The following CFAP77 variants were observed in gnomAD, a reference collection of about 807,000 sequenced individuals.
The protein encoded by CFAP77 is cilia- and flagella-associated protein 77.
In CFAP77, 25 loss-of-function variants were observed where a neutral mutation model predicts 31.1. The observed-to-expected ratio is 0.80, with a 90% CI of 0.59 to 1.12. The LOEUF (loss-of-function observed/expected upper bound fraction) is 1.12, where lower values mean the gene tolerates loss of function less well. CFAP77 is among the 50% of genes most tolerant of loss of function. CFAP77 has a pLI of 0.00. For synonymous variants in CFAP77, 151 were observed against 159.9 expected, an observed-to-expected ratio of 0.94 and a Z score of 0.42; for missense variants, 377 against 397.3, an observed-to-expected ratio of 0.95 and a Z score of 0.44.
intron 4 of CFAP77, among the ~76,000 whole-genome samples, chr9:132,541,724 A>C (rs77526321): frequency 6.6e-6 from 1 of 152,348 alleles, no homozygotes; most frequent in Non-Finnish European, 1.5e-5. Flanking sequence ...ACAACAAAAA[A>C]CACAAAAAAA....
chr9:132,438,969 G>A (rs370376664), intron 1 of CFAP77, among the ~76,000 whole-genome samples: 2 of 150,324 alleles, frequency 1.3e-5, no homozygotes, highest in East Asian at 3.9e-4. Context: ...TCTGCCTCCC[G>A]GGTTCAAGCG....
At position 132,498,617 on chromosome 9, in the gene CFAP77, C is replaced by T; in HGVS notation, c.196-78C>T. On this transcript the variant is annotated intron_variant, in intron 1 of 5. Transcript: ENST00000393216. This position sits in a 1 kb window ranked among gnomAD's most constrained non-coding sequence, Gnocchi z 4.2. ...CTGGGGGAAATGCAGGCATCTGGTG[C>T]CTCCCTGCTGCCGGATTACAATACA... 2 of 1,105,962 alleles carry T rather than the reference C, an allele frequency of 1.8e-6. No individual in the cohort carries two copies. Among genetic ancestry groups the T allele is most frequent in the Non-Finnish European group, 2.7e-6 (2 of 747,370 alleles). The allele number at this position is 1,105,962 out of a possible 1,614,324, so 68.5% of individuals were successfully genotyped here.
intron 5 of CFAP77, among the ~76,000 whole-genome samples, chr9:132,562,818 G>A (rs928289300): frequency 6.6e-6 from 1 of 151,762 alleles, no homozygotes; most frequent in African/African-American, 2.4e-5. Flanking sequence ...TCCTGCCTCA[G>A]CCTCCTGAGT....
At chr9:132,460,795 G>A (rs1052959920) in intron 1 of CFAP77, among the ~76,000 whole-genome samples, 18 of 152,166 alleles carry the variant, frequency 1.2e-4, no homozygotes, top group African/African-American at 4.1e-4. Context: ...GTGCAATCTC[G>A]GCTCACTGCA....
chr9:132,559,321 C>T lies in CFAP77; in HGVS notation c.733-13067C>T, dbSNP rs570736289. 3.7e-3 allele frequency among the ~76,000 whole-genome samples: 416 copies of T among 112,934 alleles called. 2 individuals carry two copies. The highest frequency in any genetic ancestry group is 5.0e-3 in the Non-Finnish European group (297 of 59,010). The allele number at this position is 112,934 out of a possible 152,430, so 74.1% of individuals were successfully genotyped here. A position where few individuals can be genotyped will look rare whatever the true frequency, so the allele number is the denominator to read the frequency against. On this transcript the variant is annotated intron_variant, in intron 5 of 5. Transcript: ENST00000393216. The stretch of plus-strand genomic sequence containing the variant: ...GATCGCGCCACTGCACTCCAGCCTG[C>T]GCGTCAGAGTGAGACTCTGTCTTGC...
intron 5 of CFAP77, among the ~76,000 whole-genome samples, chr9:132,567,174 G>A (rs1053731546): frequency 6.6e-6 from 1 of 152,106 alleles, no homozygotes; most frequent in Non-Finnish European, 1.5e-5. Context: ...TCCCAGTGTC[G>A]GCACACAGCA....
rs1285599865 is a variant in CFAP77, at chr9:132,565,131, A to C, written c.733-7257A>C. 1.3e-5 allele frequency among the ~76,000 whole-genome samples: 2 copies of C among 151,208 alleles called. No homozygotes were observed. The highest frequency in any genetic ancestry group is 1.9e-4 in the East Asian group (1 of 5,170). On this transcript the variant is annotated intron_variant, in intron 5 of 5. Coordinates refer to ENST00000393216, the MANE Select transcript of CFAP77 (RefSeq NM_001282957.2). The surrounding 1 kb of genome is among the most constrained non-coding windows in gnomAD (Gnocchi z 4.1). Reference sequence around the variant, plus strand: ...TGATTCCTAGGCAGATGGAGTAGAAATCTCTTCTAGGATCTAGTAGCTGCT... The same window carrying C: ...TGATTCCTAGGCAGATGGAGTAGAACTCTCTTCTAGGATCTAGTAGCTGCT...
chr9:132,418,470 C>T (rs1254827208), intron 1 of CFAP77, among the ~76,000 whole-genome samples: 3 of 152,252 alleles, frequency 2.0e-5, no homozygotes, highest in Non-Finnish European at 2.9e-5. Context: ...TAACCTAATG[C>T]AAAGACTCTA....
chr9:132,482,440 T>C (rs762697226), intron 1 of CFAP77: 1 of 1,586,844 alleles, frequency 6.3e-7, no homozygotes, highest in South Asian at 1.1e-5. Flanking sequence ...TCTGCTAAAA[T>C]AATGTCACCC....
intron 1 of CFAP77, among the ~76,000 whole-genome samples, chr9:132,459,741 TGA>T (rs1390871297): frequency 1.7e-4 from 24 of 138,684 alleles, no homozygotes; most frequent in African/African-American, 2.8e-4. Context: ...TATATGTGTG[TGA>T]GTGTGTGTGT....
intron 3 of CFAP77, among the ~76,000 whole-genome samples, chr9:132,519,130 T>G (rs1202869391): frequency 6.6e-6 from 1 of 151,462 alleles, no homozygotes; most frequent in Non-Finnish European, 1.5e-5. Context: ...AGACATACCA[T>G]TAATGCTCCT....
At chr9:132,486,012 A>ATATATATATATATATATGTATG (rs1851535722) in intron 1 of CFAP77, among the ~76,000 whole-genome samples, 2 of 11,384 alleles carry the variant, frequency 1.8e-4, no homozygotes, top group Non-Finnish European at 2.8e-4. Context: ...ATATATATAT[A>ATATATATATATATATATGTATG]TATATATATA....
chr9:132,518,223 G>A lies in CFAP77; in HGVS notation c.524+18623G>A, dbSNP rs111949350. Among the ~76,000 whole-genome samples the A allele has an allele frequency of 6.8e-3, 1,031 of 152,208 alleles. 1 individual carries two copies. Among genetic ancestry groups the A allele is most frequent in the Non-Finnish European group, 0.012 (790 of 68,012 alleles). On this transcript the variant is annotated intron_variant, in intron 3 of 5. Transcript: ENST00000393216. Reference sequence around the variant, plus strand: ...CTGAGACCCCTGGATGGGGCCCAGCGTGGAAGTCAGGACAAATCGGACTCC... The same window carrying A: ...CTGAGACCCCTGGATGGGGCCCAGCATGGAAGTCAGGACAAATCGGACTCC...
chr9:132,483,225 C>T (rs1399166903), intron 1 of CFAP77, among the ~76,000 whole-genome samples: 2 of 152,014 alleles, frequency 1.3e-5, no homozygotes, highest in African/African-American at 2.4e-5. Flanking sequence ...GAGCCAAGAT[C>T]GCACCATTGC....
intron 1 of CFAP77, among the ~76,000 whole-genome samples, chr9:132,494,415 A>G (rs1306722638): frequency 2.6e-5 from 4 of 152,172 alleles, no homozygotes; most frequent in African/African-American, 9.7e-5. Context: ...AGGGCACATT[A>G]TCACCCCTGA....
At chr9:132,482,739 A>T (rs1323377384) in intron 1 of CFAP77, among the ~76,000 whole-genome samples, 2 of 127,326 alleles carry the variant, frequency 1.6e-5, no homozygotes, top group Admixed American at 9.9e-5. Context: ...TTGGATTCTC[A>T]TTTTTTTTTT....
intron 5 of CFAP77, among the ~76,000 whole-genome samples, chr9:132,553,620 A>G (rs1368248685): frequency 1.3e-5 from 2 of 152,150 alleles, no homozygotes; most frequent in Non-Finnish European, 2.9e-5. Context: ...CAGCCCTGCA[A>G]ATTCCCAAAG....
At chr9:132,488,329 T>TATTATAAGATAGC (rs1468790336) in intron 1 of CFAP77, among the ~76,000 whole-genome samples, 1 of 152,204 alleles carries the variant, frequency 6.6e-6, no homozygotes, top group Non-Finnish European at 1.5e-5. Flanking sequence ...AAGATCCAGT[T>TATTATAAGATAGC]CAAGGCTATC....
At position 132,572,470 on chromosome 9, in the gene CFAP77, G is replaced by T. The variant is rs138982113; in HGVS notation, c.815G>T (p.Arg272Leu). ...LKAHREECAVRQGTLRMGNYT... is the reference protein window; with the variant it reads ...LKAHREECAVLQGTLRMGNYT... ...GCCCACCGGGAAGAGTGTGCCGTGC[G>T]CCAGGGGACCCTGCGGATGGGCAAC... Residue 272 changes from arginine to leucine, a missense_variant, in exon 6 of 6, where the codon CGC becomes CTC. By Grantham distance (102) the Arg-to-Leu change is moderately radical (BLOSUM62 -2). Coordinates refer to ENST00000393216, the MANE Select transcript of CFAP77 (RefSeq NM_001282957.2). 2 of 1,610,112 alleles carry T rather than the reference G, an allele frequency of 1.2e-6. No individual in the cohort carries two copies. The highest frequency in any genetic ancestry group is 2.2e-5 in the East Asian group (1 of 44,822).
Sources: allele counts gnomAD v4.1 joint callset (sites outside exome capture counted in the v4.1 genomes callset), GRCh38; gene constraint gnomAD v4.1.1; non-coding constraint Gnocchi (gnomAD v3.1); transcripts MANE v1.5; gene names NCBI Gene and HGNC (gene_info 2026-07-23, HGNC 2026-07-21).